The following RNMT variants were observed in gnomAD, a reference collection of about 807,000 sequenced individuals.
The protein encoded by RNMT is mRNA cap guanine-N(7) methyltransferase.
Under a neutral mutation model 56.0 loss-of-function variants are expected in RNMT, and 27 were observed. The ratio of observed to expected loss-of-function variants is 0.48; its 90% confidence interval spans 0.36 to 0.67. The LOEUF (loss-of-function observed/expected upper bound fraction) is 0.67, where lower values mean the gene tolerates loss of function less well. RNMT is among the 30% of genes least tolerant of loss of function. RNMT has a pLI of 0.00. For missense variants in RNMT, 519 were observed against 552.1 expected (o/e 0.94, Z 0.60); for synonymous variants, 184 against 176.2 (o/e 1.04, Z -0.35).
intron 5 of RNMT, among the ~76,000 whole-genome samples, chr18:13,738,255 A>C (rs1291325171): frequency 6.6e-6 from 1 of 152,206 alleles, no homozygotes; most frequent in African/African-American, 2.4e-5. Flanking sequence ...TATATTGGAA[A>C]TTAAAGCTGA....
chr18:13,754,646 A>G (rs2044513079), intron 11 of RNMT, among the ~76,000 whole-genome samples: 1 of 152,224 alleles, frequency 6.6e-6, no homozygotes, highest in African/African-American at 2.4e-5. Context: ...GATACACTGT[A>G]CACAGGGTCT....
At position 13,760,831 on chromosome 18, in the gene RNMT, A is replaced by G; in HGVS notation, c.*852A>G. 1 of 985,488 alleles carries G rather than the reference A, an allele frequency of 1.0e-6. No individual in the cohort carries two copies. Among genetic ancestry groups the G allele is most frequent in the East Asian group, 1.1e-4 (1 of 8,816 alleles). The allele number at this position is 985,488 out of a possible 1,614,324, so 61.0% of individuals were successfully genotyped here. A position where few individuals can be genotyped will look rare whatever the true frequency, so the allele number is the denominator to read the frequency against. Reference sequence around the variant, plus strand: ...AGGAATATTCTCACCATCTGATGCCATGTACCCACTTCAGAAATAAGCAAT... The same window carrying G: ...AGGAATATTCTCACCATCTGATGCCGTGTACCCACTTCAGAAATAAGCAAT... On this transcript the variant is annotated 3_prime_UTR_variant, in exon 12 of 12. Coordinates refer to ENST00000383314, the MANE Select transcript of RNMT (RefSeq NM_003799.3).
At chr18:13,741,394 A>G (rs1840930907) in intron 6 of RNMT, 116 bp from the exon 7 acceptor site, 1 of 640,086 alleles carries the variant, frequency 1.6e-6, no homozygotes, top group Non-Finnish European at 2.7e-6. Flanking sequence ...TTATTGTACA[A>G]GGGAAAGATT....
At chr18:13,738,371 C>T (rs577812251) in intron 5 of RNMT, among the ~76,000 whole-genome samples, 23 of 152,308 alleles carry the variant, frequency 1.5e-4, no homozygotes, top group Admixed American at 1.4e-3. Flanking sequence ...TGGATTCTCA[C>T]ACCTGTTTCT....
intron 9 of RNMT, among the ~76,000 whole-genome samples, chr18:13,749,127 A>G (rs1371350265): frequency 6.6e-6 from 1 of 152,206 alleles, no homozygotes; most frequent in Non-Finnish European, 1.5e-5. Flanking sequence ...ACAGCTTTAT[A>G]ATCATGTATT....
chr18:13,760,395 T>G lies in RNMT; in HGVS notation c.*416T>G, dbSNP rs2044605122. On this transcript the variant is annotated 3_prime_UTR_variant, in exon 12 of 12. Coordinates refer to ENST00000383314, the MANE Select transcript of RNMT (RefSeq NM_003799.3). ...TCATAGTGTGCTCATTTCTATGGTT[T>G]TGTTATATAGCATTTTTCAACATTT... The G allele has an allele frequency of 1.0e-6, 1 of 991,164 alleles. No homozygotes were observed. The highest frequency in any genetic ancestry group is 6.0e-5 in the Admixed American group (1 of 16,720). 61.4% of individuals were successfully genotyped at this position (991,164 alleles called of 1,614,324 possible).
At chr18:13,745,684 G>A (rs533250785) in intron 8 of RNMT, among the ~76,000 whole-genome samples, 1 of 146,952 alleles carries the variant, frequency 6.8e-6, no homozygotes, top group South Asian at 2.1e-4. Flanking sequence ...CTGGGGGGTG[G>A]AAGTGAGTAG....
At chr18:13,738,184 T>C (rs2044196491) in intron 5 of RNMT, among the ~76,000 whole-genome samples, 1 of 152,200 alleles carries the variant, frequency 6.6e-6, no homozygotes, top group African/African-American at 2.4e-5. Flanking sequence ...ACTTAAAAAT[T>C]ATTGAGGACC....
intron 1 of RNMT, among the ~76,000 whole-genome samples, chr18:13,729,638 A>G (rs1219800024): frequency 6.6e-6 from 1 of 152,196 alleles, no homozygotes; most frequent in African/African-American, 2.4e-5. Flanking sequence ...GTTACCTCAA[A>G]TGGTGGGTCA....
intron 1 of RNMT, among the ~76,000 whole-genome samples, chr18:13,730,114 A>T (rs973764143): frequency 6.6e-6 from 1 of 152,232 alleles, no homozygotes; most frequent in Admixed American, 6.5e-5. Context: ...TAATAGTGGT[A>T]TATAAGCTAT....
Position 13,761,761 on chromosome 18 carries a change from G to A in RNMT, c.*1782G>A. ...AGGGAGGCTTACTGGAGCCACACCTGCAGGCGCTGTGTTCAGGCACCACCT... is the reference window on the plus strand; with the variant it reads ...AGGGAGGCTTACTGGAGCCACACCTACAGGCGCTGTGTTCAGGCACCACCT... On this transcript the variant is annotated 3_prime_UTR_variant, in exon 12 of 12. Transcript: ENST00000383314. 1 of 1,198,474 alleles carries A rather than the reference G, an allele frequency of 8.3e-7. No individual in the cohort carries two copies. The highest frequency in any genetic ancestry group is 1.0e-6 in the Non-Finnish European group (1 of 959,464). 74.2% of individuals were successfully genotyped at this position (1,198,474 alleles called of 1,614,324 possible).
At chr18:13,748,188 G>T (rs1032907953) in intron 9 of RNMT, among the ~76,000 whole-genome samples, 3 of 152,202 alleles carry the variant, frequency 2.0e-5, no homozygotes, top group African/African-American at 7.2e-5. Context: ...GAGTGCACAG[G>T]AGATGTTTGA....
intron 3 of RNMT, among the ~76,000 whole-genome samples, chr18:13,732,454 A>C (rs1321394406): frequency 1.3e-5 from 2 of 152,204 alleles, no homozygotes; most frequent in African/African-American, 4.8e-5. Flanking sequence ...TCCCTTTATT[A>C]ATGTAATTCC....
intron 6 of RNMT, 21 bp downstream of exon 6, chr18:13,740,300 C>A: frequency 2.4e-6 from 3 of 1,229,552 alleles, no homozygotes; most frequent in South Asian, 1.3e-5. Flanking sequence ...TTTCTTTGGT[C>A]AATTTATTTT....
At chr18:13,732,364 T>A (rs917420388) in intron 3 of RNMT, among the ~76,000 whole-genome samples, 20 of 152,328 alleles carry the variant, frequency 1.3e-4, no homozygotes, top group Admixed American at 4.6e-4. Context: ...TTTTCTTTTT[T>A]ATTAGGTGTT....
Position 13,761,810 on chromosome 18 carries a change from C to T in RNMT, c.*1831C>T, listed in dbSNP as rs911380915. On this transcript the variant is annotated 3_prime_UTR_variant, in exon 12 of 12. Coordinates refer to ENST00000383314, the MANE Select transcript of RNMT (RefSeq NM_003799.3). The stretch of plus-strand genomic sequence containing the variant: ...CTTCCTCCTTGAGCTTTGCCTGTCT[C>T]TTGCCTTATCAGTTCTTCCTCCACC... 6.5e-5 allele frequency: 86 copies of T among 1,321,578 alleles called. No homozygotes were observed. In the African/African-American group the frequency reaches 1.1e-3, roughly 17 times the overall value. The allele number at this position is 1,321,578 out of a possible 1,614,324, so 81.9% of individuals were successfully genotyped here.
chr18:13,759,995 TC>T lies in RNMT; in HGVS notation c.*19del. ...ACAGCAGTGAGCACATAGGCAGTAG[TC>T]CCAGAGGGGCCGTGTTCTGTCCTGC... On this transcript the variant is annotated 3_prime_UTR_variant, in exon 12 of 12. Coordinates refer to ENST00000383314, the MANE Select transcript of RNMT (RefSeq NM_003799.3). The T allele has an allele frequency of 6.2e-7, 1 of 1,613,038 alleles. No homozygotes were observed. The highest frequency in any genetic ancestry group is 1.1e-5 in the South Asian group (1 of 90,898).
chr18:13,734,995 A>C (rs768774196), intron 4 of RNMT, among the ~76,000 whole-genome samples: 4 of 152,170 alleles, frequency 2.6e-5, no homozygotes, highest in Admixed American at 6.5e-5. Context: ...AAAACATTCA[A>C]CTTTTTTGAG....
intron 9 of RNMT, 90 bp downstream of exon 9, chr18:13,746,427 A>C: frequency 1.3e-6 from 1 of 778,164 alleles, no homozygotes; most frequent in South Asian, 1.5e-5. Context: ...TGAACATGAA[A>C]TAGTTATGTG....
Sources: gnomAD v4.1 joint callset for allele counts (sites outside exome capture counted in the v4.1 genomes callset) on GRCh38, gnomAD v4.1.1 for gene constraint, MANE v1.5 for transcripts, NCBI Gene and HGNC (gene_info 2026-07-23, HGNC 2026-07-21) for gene names.